The following DPYSL2 variants were observed in gnomAD, a reference collection of about 807,000 sequenced individuals.
DPYSL2 encodes the protein dihydropyrimidinase like 2, also known as dihydropyrimidinase-related protein 2.
DPYSL2 carries 13 observed loss-of-function variants against 69.9 expected under a neutral mutation model. The observed-to-expected ratio is 0.19, with a 90% CI of 0.12 to 0.30. The LOEUF (loss-of-function observed/expected upper bound fraction) is 0.30. DPYSL2 is among the 10% of genes least tolerant of loss of function. DPYSL2 has a pLI of 1.00. For synonymous variants in DPYSL2, 326 were observed against 359.1 expected (o/e 0.91, Z 1.04); for missense variants, 587 against 918.9 (o/e 0.64, Z 4.67).
intron 1 of DPYSL2, among the ~76,000 whole-genome samples, chr8:26,525,164 A>G (rs538549920): frequency 6.6e-6 from 1 of 152,236 alleles, no homozygotes; most frequent in Non-Finnish European, 1.5e-5. Context: ...TTAAGATTAT[A>G]TAATTATTTA....
intron 1 of DPYSL2, chr8:26,547,922 A>G (rs1563381767): frequency 1.1e-5 from 3 of 266,536 alleles, no homozygotes; most frequent in African/African-American, 2.2e-5. Context: ...CAGACCCTCT[A>G]TCCAAGGATG....
chr8:26,590,804 C>G (rs1382538417), intron 3 of DPYSL2, among the ~76,000 whole-genome samples: 2 of 152,264 alleles, frequency 1.3e-5, no homozygotes, highest in African/African-American at 4.8e-5. Flanking sequence ...GCGGAGCATC[C>G]TCAGAGACAG....
rs573738125 is a variant in DPYSL2 at position 26,626,359 on chromosome 8, A to C, written c.794-258A>C. Among the ~76,000 whole-genome samples the C allele has an allele frequency of 6.6e-6, 1 of 152,312 alleles. No individual in the cohort carries two copies. Among genetic ancestry groups the C allele is most frequent in the African/African-American group, 2.4e-5 (1 of 41,564 alleles). ...ATACTTGTAAACTTACAGGAAGATT[A>C]TAAGAATACTAAAAAGCATCCTTGT... On this transcript the variant is annotated intron_variant, in intron 4 of 13. Transcript: ENST00000521913. This position sits in a 1 kb window ranked among gnomAD's most constrained non-coding sequence, Gnocchi z 4.3.
intron 7 of DPYSL2, among the ~76,000 whole-genome samples, chr8:26,633,618 C>T (rs936230429): frequency 2.0e-5 from 3 of 152,110 alleles, no homozygotes; most frequent in African/African-American, 4.8e-5. Flanking sequence ...CAGGCATGCG[C>T]CACCATGCCT....
intron 1 of DPYSL2, among the ~76,000 whole-genome samples, chr8:26,530,005 G>GGA (rs1188426116): frequency 1.3e-5 from 2 of 150,564 alleles, no homozygotes; most frequent in African/African-American, 4.9e-5. Context: ...CCAGCTTCAT[G>GGA]GAAGGCTGAG....
chr8:26,540,877 C>T (rs1226417995), intron 1 of DPYSL2, among the ~76,000 whole-genome samples: 1 of 139,326 alleles, frequency 7.2e-6, no homozygotes, highest in East Asian at 2.2e-4. Context: ...TGCACTCCAG[C>T]TTTGGTGACA....
chr8:26,550,771 G>A (rs1430334679), intron 1 of DPYSL2, among the ~76,000 whole-genome samples: 3 of 152,170 alleles, frequency 2.0e-5, no homozygotes, highest in Non-Finnish European at 4.4e-5. Flanking sequence ...AGCTGGCTCA[G>A]TGCAAGTCTG....
intron 1 of DPYSL2, among the ~76,000 whole-genome samples, chr8:26,542,317 G>C (rs1181227885): frequency 6.6e-6 from 1 of 151,978 alleles, no homozygotes; most frequent in African/African-American, 2.4e-5. Context: ...ACCCACAAAA[G>C]GTATAGAGTG....
Position 26,624,128 on chromosome 8 carries a change from T to G in DPYSL2, c.629-15T>G. 2 of 1,614,060 alleles carry G rather than the reference T, an allele frequency of 1.2e-6. No individual in the cohort carries two copies. The highest frequency in any genetic ancestry group is 1.7e-6 in the Non-Finnish European group (2 of 1,179,976). The stretch of plus-strand genomic sequence containing the variant: ...AGGCTCTTGGTGATGATGACATATG[T>G]CTGTTTCTTTCTAGTTGACCACGTT... On this transcript the variant is annotated splice_polypyrimidine_tract_variant and intron_variant, in intron 3 of 13. Coordinates refer to ENST00000521913, the MANE Select transcript of DPYSL2 (RefSeq NM_001197293.3). This position sits in a 1 kb window ranked among gnomAD's most constrained non-coding sequence, Gnocchi z 4.7.
At chr8:26,636,391 G>A (rs1285632296) in intron 8 of DPYSL2, among the ~76,000 whole-genome samples, 1 of 152,242 alleles carries the variant, frequency 6.6e-6, no homozygotes, top group Non-Finnish European at 1.5e-5. Context: ...CTGAAAGGGG[G>A]AAAGAATGAG....
In DPYSL2 at chr8:26,571,204, C is replaced by T. The variant is rs939684469; in HGVS notation, c.355-10765C>T. Among the ~76,000 whole-genome samples the T allele has an allele frequency of 2.6e-5, 4 of 152,174 alleles. No individual in the cohort carries two copies. On this transcript the variant is annotated intron_variant, in intron 1 of 13. Coordinates refer to ENST00000521913, the MANE Select transcript of DPYSL2 (RefSeq NM_001197293.3). This position sits in a 1 kb window ranked among gnomAD's most constrained non-coding sequence, Gnocchi z 6.1. Reference sequence around the variant, plus strand: ...AAATAGAGGGTGGAGTGGGCTGGATCTGTCGCTAAGTGTCCAGAAGTAGAC... The same window carrying T: ...AAATAGAGGGTGGAGTGGGCTGGATTTGTCGCTAAGTGTCCAGAAGTAGAC...
intron 1 of DPYSL2, among the ~76,000 whole-genome samples, chr8:26,530,929 C>G (rs899340151): frequency 1.3e-5 from 2 of 151,996 alleles, no homozygotes; most frequent in African/African-American, 4.8e-5. Context: ...TGTGGTGGCT[C>G]AGGCCTGTAG....
In DPYSL2 at chr8:26,642,658, A is replaced by G. The variant is rs1329631074; in HGVS notation, c.1127-781A>G. ...AGGTATTGGCATTCAGCGAATGTAC[A>G]TGAGTCTCAACTTTCTGGTTTACAT... is the stretch of plus-strand genomic sequence containing the variant. On this transcript the variant is annotated intron_variant, in intron 8 of 13. Coordinates refer to ENST00000521913, the MANE Select transcript of DPYSL2 (RefSeq NM_001197293.3). This position sits in a 1 kb window ranked among gnomAD's most constrained non-coding sequence, Gnocchi z 5.3. Among the ~76,000 whole-genome samples the G allele has an allele frequency of 6.6e-6, 1 of 152,236 alleles. No homozygotes were observed. Among genetic ancestry groups the G allele is most frequent in the Non-Finnish European group, 1.5e-5 (1 of 68,046 alleles).
At chr8:26,594,388 G>A (rs897128537) in intron 3 of DPYSL2, among the ~76,000 whole-genome samples, 1 of 151,902 alleles carries the variant, frequency 6.6e-6, no homozygotes, top group African/African-American at 2.4e-5. Context: ...AGCATGACCT[G>A]GGATAGGTGA....
Position 26,593,702 on chromosome 8 carries a change from T to C in DPYSL2, c.628+9719T>C, listed in dbSNP as rs1801793652. ...GGTTAGGACTTGGAGTAAGTGGTGA[T>C]GAGCAAGAGCAGGGCTGGCTGGTGG... On this transcript the variant is annotated intron_variant, in intron 3 of 13. Coordinates refer to ENST00000521913, the MANE Select transcript of DPYSL2 (RefSeq NM_001197293.3). The surrounding 1 kb of genome is among the most constrained non-coding windows in gnomAD (Gnocchi z 5.7). Among the ~76,000 whole-genome samples the C allele has an allele frequency of 2.0e-5, 3 of 152,324 alleles. No individual in the cohort carries two copies. The highest frequency in any genetic ancestry group is 7.2e-5 in the African/African-American group (3 of 41,566).
intron 3 of DPYSL2, among the ~76,000 whole-genome samples, chr8:26,599,875 C>G (rs1396298342): frequency 6.6e-6 from 1 of 151,980 alleles, no homozygotes; most frequent in African/African-American, 2.4e-5. Context: ...ACATTCTTAC[C>G]ACCCCAAAAA....
chr8:26,623,962 T>A (rs975123863), intron 3 of DPYSL2, 181 bp from the exon 4 acceptor site: 7 of 640,742 alleles, frequency 1.1e-5, no homozygotes, highest in Admixed American at 3.0e-5. Context: ...GTTTCTGCTT[T>A]CTGCTTTCTC....
chr8:26,649,035 AG>A (rs1803229610), intron 11 of DPYSL2, among the ~76,000 whole-genome samples: 1 of 152,222 alleles, frequency 6.6e-6, no homozygotes. Context: ...CAGGGATCCT[AG>A]GGCCCTGCCC....
rs1800938293 is a variant in DPYSL2, at chr8:26,555,906, T to G, written c.355-26063T>G. Among the ~76,000 whole-genome samples, 5 of 137,302 alleles carry G rather than the reference T, an allele frequency of 3.6e-5. No individual in the cohort carries two copies. In the South Asian group the frequency reaches 1.1e-3, roughly 30 times the overall value. The allele number at this position is 137,302 out of a possible 152,430, so 90.1% of individuals were successfully genotyped here. A position where few individuals can be genotyped will look rare whatever the true frequency, so the allele number is the denominator to read the frequency against. On this transcript the variant is annotated intron_variant, in intron 1 of 13. Transcript: ENST00000521913. The stretch of plus-strand genomic sequence containing the variant: ...CTTGTATATGTAGTACTTGTATAGG[T>G]AGTTATATATATTAGCATATATACA...
Sources: allele counts gnomAD v4.1 joint callset (sites outside exome capture counted in the v4.1 genomes callset), GRCh38; gene constraint gnomAD v4.1.1; non-coding constraint Gnocchi (gnomAD v3.1); transcripts MANE v1.5; gene names NCBI Gene and HGNC (gene_info 2026-07-23, HGNC 2026-07-21).